Variants in GLS observed in about 807,000 individuals in gnomAD.
GLS encodes glutaminase kidney isoform, mitochondrial.
GLS carries 36 observed loss-of-function variants against 86.7 expected under a neutral mutation model. The observed-to-expected ratio is 0.42, with a 90% CI of 0.32 to 0.55. The LOEUF is 0.55. GLS is among the 20% of genes least tolerant of loss of function. GLS has a pLI of 0.17. For synonymous variants in GLS, 317 were observed against 305.9 expected (o/e 1.04, Z -0.38); for missense variants, 528 against 833.4 (o/e 0.63, Z 4.51).
rs1358973055 is a variant in GLS, at chr2:190,934,327, TAAGAA to T, written c.1650+2697_1650+2701del. On this transcript the variant is annotated intron_variant, in intron 14 of 17. Transcript: ENST00000320717. ...GTCTTAAGTTTGGGAACTGTGATATTAAGAAAAGAAATTCCCTTCTAGAGGTGCTG... is the reference window on the plus strand; with the variant it reads ...GTCTTAAGTTTGGGAACTGTGATATTAAGAAATTCCCTTCTAGAGGTGCTG... 4 of 965,066 alleles carry T rather than the reference TAAGAA, an allele frequency of 4.1e-6. No individual in the cohort carries two copies. The East Asian group carries it at 4.6e-4, about 110-fold the overall frequency. The allele number at this position is 965,066 out of a possible 1,614,324, so 59.8% of individuals were successfully genotyped here.
chr2:190,946,041 A>G (rs928530300), intron 14 of GLS, among the ~76,000 whole-genome samples: 5 of 152,200 alleles, frequency 3.3e-5, no homozygotes, highest in Admixed American at 1.3e-4. Context: ...GCTTAGGAAT[A>G]TGTGGCCTCA....
intron 14 of GLS, chr2:190,933,562 C>T: frequency 2.3e-5 from 22 of 961,120 alleles, no homozygotes; most frequent in Non-Finnish European, 2.7e-5. Flanking sequence ...AACATTCCAG[C>T]CAAAGAATTT....
chr2:190,933,958 T>G, intron 14 of GLS: 2 of 928,830 alleles, frequency 2.2e-6, no homozygotes, highest in African/African-American at 3.6e-5. Context: ...AAACTTGTTT[T>G]TAAGAGAACT....
intron 14 of GLS, among the ~76,000 whole-genome samples, chr2:190,937,073 T>C (rs1690291668): frequency 6.6e-6 from 1 of 151,400 alleles, no homozygotes; most frequent in South Asian, 2.1e-4. Flanking sequence ...GATGGCCTTA[T>C]GCTCAGATTT....
chr2:190,918,755 TA>T (rs1448818979), intron 7 of GLS, among the ~76,000 whole-genome samples: 1 of 152,166 alleles, frequency 6.6e-6, no homozygotes, highest in Non-Finnish European at 1.5e-5. Flanking sequence ...AAGTGAGAGA[TA>T]TACAACTCTT....
chr2:190,953,967 T>TGTGTGG lies in GLS; in HGVS notation c.1712+346_1712+347insGGTGTG, dbSNP rs1690791184. 6.7e-6 allele frequency among the ~76,000 whole-genome samples: 1 copy of TGTGTGG among 149,500 alleles called. No homozygotes were observed. Among genetic ancestry groups the TGTGTGG allele is most frequent in the African/African-American group, 2.5e-5 (1 of 39,622 alleles). On this transcript the variant is annotated intron_variant, in intron 15 of 17. Transcript: ENST00000320717. This position sits in a 1 kb window ranked among gnomAD's most constrained non-coding sequence, Gnocchi z 4.0. The stretch of plus-strand genomic sequence containing the variant: ...TCTTTGATATGTGTGTGTGTGTGTG[T>TGTGTGG]GTGTGTGTGTGTGTGTGTGTGTGTG...
rs1021539139 is a variant in GLS at position 190,949,982 on chromosome 2, A to G, written c.1651-3583A>G. 3.3e-5 allele frequency among the ~76,000 whole-genome samples: 5 copies of G among 149,662 alleles called. No homozygotes were observed. The South Asian group carries it at 1.0e-3, about 31-fold the overall frequency. ...TAACAAATATAGTTAAAAAGGATAT[A>G]GTTAACAATACAATATATATATATA... On this transcript the variant is annotated intron_variant, in intron 14 of 17. Coordinates refer to ENST00000320717, the MANE Select transcript of GLS (RefSeq NM_014905.5). This position sits in a 1 kb window ranked among gnomAD's most constrained non-coding sequence, Gnocchi z 4.0.
rs1389394130 is a variant in GLS at position 190,962,821 on chromosome 2, C to T, written c.1854-9C>T. ...TAATGACCCTGTCCATGCTGTGCTACGTGTTTAGGTGGAATAACACTCCCA... is the reference window on the plus strand; with the variant it reads ...TAATGACCCTGTCCATGCTGTGCTATGTGTTTAGGTGGAATAACACTCCCA... On this transcript the variant is annotated splice_polypyrimidine_tract_variant and intron_variant, in intron 17 of 17. Coordinates refer to ENST00000320717, the MANE Select transcript of GLS (RefSeq NM_014905.5). The surrounding 1 kb of genome is among the most constrained non-coding windows in gnomAD (Gnocchi z 4.2). 6 of 1,497,332 alleles carry T rather than the reference C, an allele frequency of 4.0e-6. No individual in the cohort carries two copies. The South Asian group carries it at 4.2e-5, about 11-fold the overall frequency. 92.8% of individuals were successfully genotyped at this position (1,497,332 alleles called of 1,614,324 possible).
intron 14 of GLS, among the ~76,000 whole-genome samples, chr2:190,942,789 T>A (rs74744922): frequency 6.6e-6 from 1 of 152,094 alleles, no homozygotes; most frequent in African/African-American, 2.4e-5. Context: ...TTTAAACATA[T>A]GGGGGTTATT....
In GLS at chr2:190,965,071, G is replaced by C. The variant is rs1691092164; in HGVS notation, c.*2085G>C. ...CTGCTCGGGCTGTTTGCTGTTGGCT[G>C]GTAATAATATATTTGATTTAAATGC... On this transcript the variant is annotated 3_prime_UTR_variant, in exon 18 of 18. Transcript: ENST00000320717. This position sits in a 1 kb window ranked among gnomAD's most constrained non-coding sequence, Gnocchi z 5.0. 1 of 152,132 alleles carries C rather than the reference G, an allele frequency of 6.6e-6. No individual in the cohort carries two copies. Among genetic ancestry groups the C allele is most frequent in the African/African-American group, 2.4e-5 (1 of 41,396 alleles). The allele number at this position is 152,132 out of a possible 1,614,324, so 9.4% of individuals were successfully genotyped here. A position where few individuals can be genotyped will look rare whatever the true frequency, so the allele number is the denominator to read the frequency against.
chr2:190,957,423 A>G (rs1005775993), intron 17 of GLS, among the ~76,000 whole-genome samples: 3 of 152,114 alleles, frequency 2.0e-5, no homozygotes, highest in South Asian at 2.1e-4. Flanking sequence ...TGATTGTCCT[A>G]GCCAGAACTG....
Position 190,907,387 on chromosome 2 carries a change from A to G in GLS, c.979+2220A>G, listed in dbSNP as rs892124567. 4.0e-5 allele frequency among the ~76,000 whole-genome samples: 6 copies of G among 151,816 alleles called. No individual in the cohort carries two copies. In the East Asian group the frequency reaches 7.7e-4, roughly 20 times the overall value. On this transcript the variant is annotated intron_variant, in intron 6 of 17. Transcript: ENST00000320717. ...ATTCTCCTGCCTCAGCCTCCCGAGT[A>G]GCTGGGATTACAGGCATGTGCCACC...
At chr2:190,950,722 G>A (rs1009216309) in intron 14 of GLS, among the ~76,000 whole-genome samples, 1 of 152,146 alleles carries the variant, frequency 6.6e-6, no homozygotes, top group African/African-American at 2.4e-5. Context: ...CCTTGTGAAG[G>A]ACTCAACCTG....
rs1690082710 is a variant in GLS, at chr2:190,930,763, C to A, written c.1557+195C>A. Reference sequence around the variant, plus strand: ...TCAGACAGCTCCCATTTAATTATTCCCACAGATTATATTTGTTAGATGCTA... The same window carrying A: ...TCAGACAGCTCCCATTTAATTATTCACACAGATTATATTTGTTAGATGCTA... On this transcript the variant is annotated intron_variant, in intron 13 of 17. Coordinates refer to ENST00000320717, the MANE Select transcript of GLS (RefSeq NM_014905.5). The surrounding 1 kb of genome is among the most constrained non-coding windows in gnomAD (Gnocchi z 5.0). 6.6e-6 allele frequency among the ~76,000 whole-genome samples: 1 copy of A among 152,084 alleles called. No individual in the cohort carries two copies. The highest frequency in any genetic ancestry group is 6.5e-5 in the Admixed American group (1 of 15,268).
chr2:190,926,334 G>A (rs1037256425), intron 11 of GLS, among the ~76,000 whole-genome samples: 2 of 152,098 alleles, frequency 1.3e-5, no homozygotes, highest in Non-Finnish European at 2.9e-5. Context: ...TTGAGAAATA[G>A]GGAAGAGATT....
In GLS at chr2:190,927,285, TCTG is replaced by T; in HGVS notation, c.1249-18_1249-16del. 6.4e-7 allele frequency: 1 copy of T among 1,566,562 alleles called. No individual in the cohort carries two copies. Among genetic ancestry groups the T allele is most frequent in the Non-Finnish European group, 8.7e-7 (1 of 1,155,452 alleles). On this transcript the variant is annotated intron_variant, in intron 11 of 17. Transcript: ENST00000320717. ...GTAATATTAAAAGTAGTATGAGAAT[TCTG>T]CTTTTTCTTTGTGTTAGCTGTGCTC...
chr2:190,941,352 A>G (rs561254839), intron 14 of GLS, among the ~76,000 whole-genome samples: 5 of 152,332 alleles, frequency 3.3e-5, no homozygotes, highest in Admixed American at 3.3e-4. Flanking sequence ...TCTATAATAA[A>G]CTTTATGAGA....
intron 12 of GLS, among the ~76,000 whole-genome samples, chr2:190,929,499 T>C (rs1260902805): frequency 6.6e-6 from 1 of 151,926 alleles, no homozygotes. Flanking sequence ...AGATGGAGTC[T>C]TGCTTCGTCA....
chr2:190,898,200 A>G (rs543940367), intron 3 of GLS, among the ~76,000 whole-genome samples: 2 of 152,150 alleles, frequency 1.3e-5, no homozygotes, highest in South Asian at 2.1e-4. Flanking sequence ...TAAAAATTTC[A>G]TATTTATTAT....
Sources: gnomAD v4.1 joint callset for allele counts (sites outside exome capture counted in the v4.1 genomes callset) on GRCh38, gnomAD v4.1.1 for gene constraint, Gnocchi (gnomAD v3.1) non-coding constraint, MANE v1.5 for transcripts, NCBI Gene and HGNC (gene_info 2026-07-23, HGNC 2026-07-21) for gene names.